The following AARSD1 variants were observed in gnomAD, a reference collection of about 807,000 sequenced individuals.
AARSD1 encodes the protein alanyl-tRNA synthetase domain containing 1.
In AARSD1, 44 loss-of-function variants were observed where a neutral mutation model predicts 48.7. The observed-to-expected ratio is 0.90, with a 90% confidence interval of 0.71 to 1.16. AARSD1 has a LOEUF of 1.16. Ranked by LOEUF, AARSD1 falls within the 50% of genes most tolerant of loss-of-function variation. The probability of loss-of-function intolerance (pLI) is 0.00; values close to 1 mark genes in which losing one functional copy is unlikely to be tolerated. For synonymous variants in AARSD1, 189 were observed against 194.9 expected, an observed-to-expected ratio of 0.97 and a Z score of 0.25; for missense variants, 511 against 523.1, an observed-to-expected ratio of 0.98 and a Z score of 0.23.
At chr17:42,961,577 T>C (rs539209430) in intron 2 of AARSD1, among the ~76,000 whole-genome samples, 2 of 152,300 alleles carry the variant, frequency 1.3e-5, no homozygotes, top group African/African-American at 2.4e-5. Context: ...ATTAAAGAGA[T>C]TGTAACTACA....
chr17:42,961,789 G>A (rs1403934582), intron 2 of AARSD1, among the ~76,000 whole-genome samples: 1 of 152,100 alleles, frequency 6.6e-6, no homozygotes, highest in African/African-American at 2.4e-5. Flanking sequence ...CCACCACTTT[G>A]GGAGACCAAG....
In AARSD1 at chr17:42,955,138, C is replaced by A. The variant is rs780388537; in HGVS notation, c.861+20G>T. The stretch of plus-strand genomic sequence containing the variant: ...CTAGGCAGGGCCCATGCCCTCTCTA[C>A]CCTCCATGGAATAAATCACCTTCTG... On this transcript the variant is annotated intron_variant, in intron 8 of 11. Coordinates refer to ENST00000427569, the MANE Select transcript of AARSD1 (RefSeq NM_001261434.2). The A allele has an allele frequency of 5.6e-6, 9 of 1,614,142 alleles. No homozygotes were observed. Among genetic ancestry groups the A allele is most frequent in the Middle Eastern group, 1.7e-4 (1 of 6,058 alleles).
In AARSD1 at chr17:42,954,445, T is replaced by A. The variant is rs545695712; in HGVS notation, c.953+431A>T. On this transcript the variant is annotated intron_variant, in intron 9 of 11. Transcript: ENST00000427569. ...TGTAACATATTTCTTTTTTTTTTTATATTTTTGAGATGGGGTCTCACTCTG... is the reference window on the plus strand; with the variant it reads ...TGTAACATATTTCTTTTTTTTTTTAAATTTTTGAGATGGGGTCTCACTCTG... 4.7e-4 allele frequency among the ~76,000 whole-genome samples: 71 copies of A among 149,634 alleles called. 1 individual carries two copies. The highest frequency in any genetic ancestry group is 2.0e-3 in the Admixed American group (30 of 15,006).
rs1241945413 is a variant in AARSD1, at chr17:42,956,220, T to C, written c.647A>G (p.Asn216Ser). ...CTCACTTACCTGAAGGTCACTGAGA[T>C]TGCTCACATGGGTCCCACAGCACAT... Reference protein sequence around the residue: ...SNMCCGTHVSNLSDLQVIKIL... With the variant: ...SNMCCGTHVSSLSDLQVIKIL... The change falls in exon 6 of 12, where the codon AAT becomes AGT. Residue 216 changes from asparagine to serine, a missense_variant. By Grantham distance (46) the Asn-to-Ser change is conservative (BLOSUM62 1). Coordinates refer to ENST00000427569, the MANE Select transcript of AARSD1 (RefSeq NM_001261434.2). 1.2e-6 allele frequency: 2 copies of C among 1,613,984 alleles called. No homozygotes were observed. Among genetic ancestry groups the C allele is most frequent in the East Asian group, 2.2e-5 (1 of 44,894 alleles).
rs763818872 is a variant in AARSD1, at chr17:42,956,518, G to A, written c.432C>T (p.Pro144=). Residue 144 remains proline, a synonymous_variant, in exon 5 of 12, where the codon CCC becomes CCT. Transcript: ENST00000427569. ...RFRSAIELDT[P]SMTAEQVAAI... ...CAGCTACTTGCTCTGCAGTCATAGA[G>A]GGGGTGTCCAGCTCAATCGCACTCC... 6.2e-6 allele frequency: 10 copies of A among 1,613,886 alleles called. No individual in the cohort carries two copies. The highest frequency in any genetic ancestry group is 8.5e-6 in the Non-Finnish European group (10 of 1,180,018).
At chr17:42,957,260 T>G in intron 3 of AARSD1, 65 bp from the exon 4 acceptor site, 1 of 1,595,904 alleles carries the variant, frequency 6.3e-7, no homozygotes, top group Non-Finnish European at 8.6e-7. Flanking sequence ...AATGATAAAA[T>G]ATGAGCTACA....
At chr17:42,958,992 T>C (rs1349279289) in intron 3 of AARSD1, among the ~76,000 whole-genome samples, 2 of 147,694 alleles carry the variant, frequency 1.4e-5, no homozygotes, top group African/African-American at 5.0e-5. Flanking sequence ...AGGTCAGGAG[T>C]TCAAGACCAG....
Position 42,961,274 on chromosome 17 carries a change from G to C in AARSD1, c.249C>G (p.Thr83=). The part of the protein sequence containing the change: ...TRRGEQADHF[T]QTPLDPGSQV... ...GGCTTCCTGGATCCAGGGGTGTCTG[G>C]GTGAAATGATCAGCCTGTTCCCCAC... Residue 83 remains threonine, a synonymous_variant, in exon 3 of 12, where the codon ACC becomes ACG. Coordinates refer to ENST00000427569, the MANE Select transcript of AARSD1 (RefSeq NM_001261434.2). The C allele has an allele frequency of 6.2e-7, 1 of 1,614,116 alleles. No homozygotes were observed.
chr17:42,960,673 G>C (rs915794134), intron 3 of AARSD1, among the ~76,000 whole-genome samples: 1 of 148,446 alleles, frequency 6.7e-6, no homozygotes, highest in Non-Finnish European at 1.5e-5. Context: ...AGTGAGCCGA[G>C]ATCGCACCAT....
chr17:42,962,425 A>G (rs1175574130), intron 2 of AARSD1: 2 of 156,278 alleles, frequency 1.3e-5, no homozygotes, highest in East Asian at 3.8e-4. Context: ...TTAAGAGTCT[A>G]GAGAACAGAG....
chr17:42,963,006 T>C (rs889074653), intron 2 of AARSD1, among the ~76,000 whole-genome samples: 4 of 151,772 alleles, frequency 2.6e-5, no homozygotes, highest in Non-Finnish European at 5.9e-5. Context: ...CTGGGTGACA[T>C]AGCAAGATCC....
chr17:42,954,588 C>G (rs1039483813), intron 9 of AARSD1, among the ~76,000 whole-genome samples: 7 of 152,012 alleles, frequency 4.6e-5, no homozygotes, highest in African/African-American at 2.4e-5. Context: ...GCGCGTACTA[C>G]CATGCCTAGC....
At chr17:42,962,270 A>G (rs1177668398) in intron 2 of AARSD1, 1 of 230,042 alleles carries the variant, frequency 4.3e-6, no homozygotes, top group Middle Eastern at 1.6e-3. Flanking sequence ...GCTGCGCTCC[A>G]GCCTGGCAAC....
At chr17:42,962,967 T>C (rs2049658199) in intron 2 of AARSD1, among the ~76,000 whole-genome samples, 1 of 152,076 alleles carries the variant, frequency 6.6e-6, no homozygotes, top group Admixed American at 6.6e-5. Context: ...GAGGCTGCAG[T>C]GAGCTAGATC....
rs539375747 is a variant in AARSD1 at position 42,952,141 on chromosome 17, C to T, written c.1009-247G>A. On this transcript the variant is annotated intron_variant, in intron 10 of 11. Transcript: ENST00000427569. ...CAGAAGACTGCTGATCCTGGCTAAGCAGAAAATGCCTTTCATGGTTTCACT... is the reference window on the plus strand; with the variant it reads ...CAGAAGACTGCTGATCCTGGCTAAGTAGAAAATGCCTTTCATGGTTTCACT... 167 of 499,198 alleles carry T rather than the reference C, an allele frequency of 3.3e-4. 1 individual carries two copies. In the South Asian group the frequency reaches 4.1e-3, roughly 12 times the overall value. 30.9% of individuals were successfully genotyped at this position (499,198 alleles called of 1,614,324 possible). A position where few individuals can be genotyped will look rare whatever the true frequency, so the allele number is the denominator to read the frequency against.
Position 42,956,520 on chromosome 17 carries a change from G to C in AARSD1, c.430C>G (p.Pro144Ala), listed in dbSNP as rs2049555168. The change falls in exon 5 of 12, where the codon CCC becomes GCC. Residue 144 changes from proline to alanine, a missense_variant. Physicochemically the swap from Pro to Ala is conservative, Grantham distance 27 (BLOSUM62 -1). Coordinates refer to ENST00000427569, the MANE Select transcript of AARSD1 (RefSeq NM_001261434.2). ...GCTACTTGCTCTGCAGTCATAGAGGGGGTGTCCAGCTCAATCGCACTCCGA... is the reference window on the plus strand; with the variant it reads ...GCTACTTGCTCTGCAGTCATAGAGGCGGTGTCCAGCTCAATCGCACTCCGA... ...RFRSAIELDT[P>A]SMTAEQVAAI... 6.2e-7 allele frequency: 1 copy of C among 1,613,780 alleles called. No homozygotes were observed. The highest frequency in any genetic ancestry group is 8.5e-7 in the Non-Finnish European group (1 of 1,179,998).
At chr17:42,954,729 G>A (rs1034454339) in intron 9 of AARSD1, 147 bp downstream of exon 9, 35 of 868,732 alleles carry the variant, frequency 4.0e-5, no homozygotes, top group Middle Eastern at 2.4e-4. Flanking sequence ...CACCGCGCCC[G>A]GCCAGTAACA....
chr17:42,953,709 T>G lies in AARSD1; in HGVS notation c.1008+15A>C, dbSNP rs1220401686. On this transcript the variant is annotated intron_variant, in intron 10 of 11. Coordinates refer to ENST00000427569, the MANE Select transcript of AARSD1 (RefSeq NM_001261434.2). ...TCTATCCAGGCCGGGGTAGAGAATC[T>G]CATGCTCCTCTTACCTCTGACCCAA... 2 of 1,614,088 alleles carry G rather than the reference T, an allele frequency of 1.2e-6. No individual in the cohort carries two copies. The highest frequency in any genetic ancestry group is 4.5e-5 in the East Asian group (2 of 44,874).
At chr17:42,958,768 T>C (rs2049592222) in intron 3 of AARSD1, among the ~76,000 whole-genome samples, 1 of 151,036 alleles carries the variant, frequency 6.6e-6, no homozygotes, top group African/African-American at 2.4e-5. Context: ...GGTTTCACCA[T>C]GTTGACCAGG....
Sources: gnomAD v4.1 joint callset for allele counts (sites outside exome capture counted in the v4.1 genomes callset) on GRCh38, gnomAD v4.1.1 for gene constraint, MANE v1.5 for transcripts, NCBI Gene and HGNC (gene_info 2026-07-23, HGNC 2026-07-21) for gene names.